ARK2N: variants seen among roughly 807,000 people sequenced by gnomAD.
ARK2N encodes arkadia (RNF111) N-terminal like PKA signaling regulator 2N.
the ARK2N span, among the ~76,000 whole-genome samples, chr18:46,195,239 AT>A: frequency 7.5e-6 from 1 of 132,818 alleles, no homozygotes; most frequent in Non-Finnish European, 1.7e-5. Flanking sequence ...GCTTTCATTA[AT>A]TTTTTCCTAA....
the ARK2N span, among the ~76,000 whole-genome samples, chr18:46,214,614 T>G: frequency 6.6e-6 from 1 of 152,362 alleles, no homozygotes; most frequent in East Asian, 1.9e-4. Context: ...CATAAGCTTT[T>G]GAGGTTAAAT....
At chr18:46,185,773 G>A in the ARK2N span, among the ~76,000 whole-genome samples, 3 of 152,176 alleles carry the variant, frequency 2.0e-5, no homozygotes, top group African/African-American at 7.2e-5. Context: ...GATCACTTGA[G>A]GTCAGGAGTT....
At chr18:46,239,610 C>A in the ARK2N span, among the ~76,000 whole-genome samples, 1 of 152,090 alleles carries the variant, frequency 6.6e-6, no homozygotes, top group Non-Finnish European at 1.5e-5. Flanking sequence ...TAGATTCATT[C>A]TTTTAAAAAA....
the ARK2N span, among the ~76,000 whole-genome samples, chr18:46,177,204 G>A: frequency 6.6e-6 from 1 of 152,136 alleles, no homozygotes; most frequent in African/African-American, 2.4e-5. Flanking sequence ...ATAAAAAGTT[G>A]TGAGACTATA....
chr18:46,229,607 G>A, the ARK2N span, among the ~76,000 whole-genome samples: 2 of 150,098 alleles, frequency 1.3e-5, no homozygotes, highest in East Asian at 4.0e-4. Flanking sequence ...GCCTCCCAAA[G>A]TGCTGGTGTT....
the ARK2N span, among the ~76,000 whole-genome samples, chr18:46,234,342 C>T: frequency 1.3e-5 from 2 of 151,942 alleles, no homozygotes; most frequent in East Asian, 1.9e-4. Flanking sequence ...GGACTGCAGG[C>T]GTATGCCACT....
At chr18:46,203,106 A>G in the ARK2N span, among the ~76,000 whole-genome samples, 1 of 152,220 alleles carries the variant, frequency 6.6e-6, no homozygotes, top group Admixed American at 6.5e-5. Flanking sequence ...AGCATATTCT[A>G]TGACTTAATC....
chr18:46,198,257 C>T, the ARK2N span, among the ~76,000 whole-genome samples: 1,466 of 144,564 alleles, frequency 0.01, 29 homozygotes, highest in African/African-American at 0.036. Context: ...TGCAGTGAGC[C>T]GAGATCGCCC....
At chr18:46,253,791 A>AG in the ARK2N span, 1 of 1,613,190 alleles carries the variant, frequency 6.2e-7, no homozygotes, top group Non-Finnish European at 8.5e-7. Context: ...CAGATAGTGA[A>AG]GTAGAGATTG....
At chr18:46,198,350 T>C in the ARK2N span, among the ~76,000 whole-genome samples, 2 of 151,672 alleles carry the variant, frequency 1.3e-5, no homozygotes, top group Admixed American at 1.3e-4. Context: ...TGACTCTTTT[T>C]TAAATTTAAT....
chr18:46,219,579 C>T, the ARK2N span, among the ~76,000 whole-genome samples: 2 of 151,864 alleles, frequency 1.3e-5, no homozygotes, highest in Non-Finnish European at 2.9e-5. Context: ...AAGCGATTCT[C>T]CTGCCTCAGC....
chr18:46,181,200 C>T, the ARK2N span, among the ~76,000 whole-genome samples: 1 of 151,878 alleles, frequency 6.6e-6, no homozygotes, highest in African/African-American at 2.4e-5. Flanking sequence ...GTGAAAGTTG[C>T]AGTGAGCAGG....
chr18:46,188,699 T>C, the ARK2N span, among the ~76,000 whole-genome samples: 8 of 152,162 alleles, frequency 5.3e-5, no homozygotes, highest in African/African-American at 1.9e-4. Context: ...GATTTTGAAA[T>C]GTCAACTTAT....
At chr18:46,197,174 T>G in the ARK2N span, among the ~76,000 whole-genome samples, 7 of 152,186 alleles carry the variant, frequency 4.6e-5, no homozygotes, top group Non-Finnish European at 1.5e-5. Context: ...GCTTGTGTTT[T>G]GTGGCCATGA....
At chr18:46,246,820 A>C in the ARK2N span, among the ~76,000 whole-genome samples, 1 of 152,052 alleles carries the variant, frequency 6.6e-6, no homozygotes, top group Middle Eastern at 3.2e-3. Context: ...GCATGCCTGT[A>C]ATCCCACCTA....
At chr18:46,184,148 G>A in the ARK2N span, among the ~76,000 whole-genome samples, 10 of 152,094 alleles carry the variant, frequency 6.6e-5, no homozygotes, top group East Asian at 3.9e-4. Context: ...CTACCACCAC[G>A]CTTGGCTAAT....
the ARK2N span, among the ~76,000 whole-genome samples, chr18:46,229,379 G>A: frequency 5.9e-5 from 9 of 152,164 alleles, no homozygotes; most frequent in East Asian, 1.9e-4. Flanking sequence ...ACAGAGTCTC[G>A]CTCTGTCGTC....
chr18:46,249,955 G>A, the ARK2N span, among the ~76,000 whole-genome samples: 2,648 of 152,222 alleles, frequency 0.017, 72 homozygotes, highest in African/African-American at 0.06. Flanking sequence ...CCGAGTTGCT[G>A]AGTCTGTAGT....
chr18:46,229,379 GCT>G, the ARK2N span, among the ~76,000 whole-genome samples: 1 of 152,046 alleles, frequency 6.6e-6, no homozygotes, highest in African/African-American at 2.4e-5. Context: ...ACAGAGTCTC[GCT>G]CTGTCGTCCA....
Sources: allele counts gnomAD v4.1 joint callset (sites outside exome capture counted in the v4.1 genomes callset), GRCh38; gene constraint gnomAD v4.1.1; transcripts MANE v1.5; gene names NCBI Gene and HGNC (gene_info 2026-07-23, HGNC 2026-07-21).